ACVR2B: variants seen among roughly 807,000 people sequenced by gnomAD.
The protein encoded by ACVR2B is activin A receptor type 2B.
ACVR2B carries 18 observed loss-of-function variants against 65.1 expected under a neutral mutation model. The ratio of observed to expected loss-of-function variants is 0.28; its 90% confidence interval spans 0.19 to 0.41. The LOEUF (loss-of-function observed/expected upper bound fraction) is 0.41, where lower values mean the gene tolerates loss of function less well. Ranked by LOEUF, ACVR2B falls within the 10% of genes least tolerant of loss-of-function variation. The probability of loss-of-function intolerance (pLI) is 1.00; values close to 1 mark genes in which losing one functional copy is unlikely to be tolerated. For missense variants in ACVR2B, 482 were observed against 682.7 expected (o/e 0.71, Z 3.28); for synonymous variants, 298 against 277.7 (o/e 1.07, Z -0.73).
rs1709502251 is a variant in ACVR2B at position 38,454,287 on chromosome 3, CGGGCTCCGGGTGTGCG to C, written c.-35_-20del. 11 of 1,240,820 alleles carry C rather than the reference CGGGCTCCGGGTGTGCG, an allele frequency of 8.9e-6. No individual in the cohort carries two copies. The highest frequency in any genetic ancestry group is 9.1e-6 in the Non-Finnish European group (9 of 994,188). 76.9% of individuals were successfully genotyped at this position (1,240,820 alleles called of 1,614,324 possible). The stretch of plus-strand genomic sequence containing the variant: ...CGGGAGCGCCGTGCGGCCCTGCCCG[CGGGCTCCGGGTGTGCG>C]CGGGGCGGCGCCGCGGAACATGACG... On this transcript the variant is annotated 5_prime_UTR_variant, in exon 1 of 11. Coordinates refer to ENST00000352511, the MANE Select transcript of ACVR2B (RefSeq NM_001106.4).
intron 1 of ACVR2B, chr3:38,475,602 TGGG>T (rs1156477591): frequency 6.6e-6 from 1 of 152,114 alleles, no homozygotes; most frequent in African/African-American, 2.4e-5. Flanking sequence ...GCTCCAGTGG[TGGG>T]GGGCTTCTTT....
At chr3:38,461,339 T>C (rs1173500203) in intron 1 of ACVR2B, among the ~76,000 whole-genome samples, 3 of 152,124 alleles carry the variant, frequency 2.0e-5, no homozygotes, top group Non-Finnish European at 2.9e-5. Context: ...AGGTTTGATA[T>C]TGGGTTAGAG....
chr3:38,471,673 A>G (rs79286140), intron 1 of ACVR2B, among the ~76,000 whole-genome samples: 3,860 of 152,318 alleles, frequency 0.025, 156 homozygotes, highest in East Asian at 0.16. Context: ...AGCAGTATAT[A>G]AAGAACATGC....
intron 1 of ACVR2B, chr3:38,459,522 A>G: frequency 1.1e-6 from 1 of 939,780 alleles, no homozygotes; most frequent in African/African-American, 1.8e-5. Flanking sequence ...CTCAGGAGCT[A>G]AGGCTAGCCC....
intron 1 of ACVR2B, among the ~76,000 whole-genome samples, chr3:38,461,386 C>G (rs950966877): frequency 6.6e-6 from 1 of 152,138 alleles, no homozygotes; most frequent in Non-Finnish European, 1.5e-5. Flanking sequence ...CAAGAGGTCC[C>G]GCTTCTCTGT....
At chr3:38,472,670 C>T (rs1575584481) in intron 1 of ACVR2B, among the ~76,000 whole-genome samples, 1 of 152,142 alleles carries the variant, frequency 6.6e-6, no homozygotes, top group Admixed American at 6.5e-5. Flanking sequence ...CTGCTGGCTG[C>T]TGGGGTCACA....
chr3:38,464,157 T>C (rs756903591), intron 1 of ACVR2B, among the ~76,000 whole-genome samples: 8 of 152,274 alleles, frequency 5.3e-5, no homozygotes, highest in Non-Finnish European at 1.0e-4. Flanking sequence ...GTTCAGTCTA[T>C]GACTGTCTGA....
At chr3:38,458,481 G>A (rs1266755287) in intron 1 of ACVR2B, among the ~76,000 whole-genome samples, 1 of 152,112 alleles carries the variant, frequency 6.6e-6, no homozygotes, top group Non-Finnish European at 1.5e-5. Context: ...AGTCTTAAGG[G>A]GCAGCTTGTT....
intron 6 of ACVR2B, 121 bp from the exon 7 acceptor site, chr3:38,479,557 G>T (rs1709979976): frequency 5.6e-6 from 7 of 1,256,054 alleles, no homozygotes; most frequent in Non-Finnish European, 8.1e-6. Flanking sequence ...CATATCGATT[G>T]TAGTAGCCTT....
Position 38,478,194 on chromosome 3 carries a change from T to C in ACVR2B, c.424T>C (p.Ser142Pro). The C allele has an allele frequency of 6.2e-7, 1 of 1,613,844 alleles. No homozygotes were observed. Among genetic ancestry groups the C allele is most frequent in the South Asian group, 1.1e-5 (1 of 91,054 alleles). ...CACCCTGCTCACGGTGCTGGCCTAC[T>C]CACTGCTGCCCATCGGGGGCCTTTC... ...APTLLTVLAY[S>P]LLPIGGLSLI... is the part of the protein sequence containing the mutation. The change falls in exon 4 of 11, where the codon TCA becomes CCA. Residue 142 changes from serine (S) to proline (P), a missense_variant. Transcript: ENST00000352511.
At chr3:38,466,193 G>A (rs1253634257) in intron 1 of ACVR2B, among the ~76,000 whole-genome samples, 3 of 152,182 alleles carry the variant, frequency 2.0e-5, no homozygotes, top group African/African-American at 7.2e-5. Flanking sequence ...GTAGAATAGT[G>A]GTTACCAGAG....
Position 38,477,826 on chromosome 3 carries a change from A to T in ACVR2B, c.261-35A>T. 1.2e-6 allele frequency: 2 copies of T among 1,602,438 alleles called. No homozygotes were observed. The highest frequency in any genetic ancestry group is 1.7e-6 in the Non-Finnish European group (2 of 1,169,596). On this transcript the variant is annotated intron_variant, in intron 2 of 10. Transcript: ENST00000352511. This position sits in a 1 kb window ranked among gnomAD's most constrained non-coding sequence, Gnocchi z 6.7. ...GGCCTGGGGGAGTCTTGCATCCCCC[A>T]GGTGAGGGGTATATGGAAAATTCTG... is the stretch of plus-strand genomic sequence containing the variant.
At chr3:38,482,361 A>G (rs756925890) in intron 9 of ACVR2B, 25 bp downstream of exon 9, 2 of 1,609,816 alleles carry the variant, frequency 1.2e-6, no homozygotes, top group Admixed American at 1.7e-5. Context: ...AGCCCTGGGC[A>G]TCCTAGATTG....
chr3:38,478,994 G>A (rs1485750588), intron 5 of ACVR2B, 134 bp from the exon 6 acceptor site: 13 of 1,197,920 alleles, frequency 1.1e-5, no homozygotes, highest in Non-Finnish European at 1.6e-5. Flanking sequence ...GAAGCTGGGA[G>A]GCTGGGGGGT....
chr3:38,455,627 A>C (rs114983108), intron 1 of ACVR2B, among the ~76,000 whole-genome samples: 1 of 151,676 alleles, frequency 6.6e-6, no homozygotes, highest in Admixed American at 6.6e-5. Flanking sequence ...GTAGGGTAGT[A>C]GCGCGCGCGC....
chr3:38,462,266 C>T (rs1002767427), intron 1 of ACVR2B, among the ~76,000 whole-genome samples: 21 of 152,176 alleles, frequency 1.4e-4, no homozygotes, highest in African/African-American at 4.8e-4. Flanking sequence ...AAATGGTATT[C>T]AAGCATTTAA....
rs779498082 is a variant in ACVR2B, at chr3:38,489,298, TAC to T, written c.*5970_*5971del. The T allele has an allele frequency of 2.6e-5, 4 of 152,704 alleles. No individual in the cohort carries two copies. Among genetic ancestry groups the T allele is most frequent in the South Asian group, 2.1e-4 (1 of 4,834 alleles). 9.5% of individuals were successfully genotyped at this position (152,704 alleles called of 1,614,324 possible). A position where few individuals can be genotyped will look rare whatever the true frequency, so the allele number is the denominator to read the frequency against. ...GTTATATCACTTGACAGATTTCTTC[TAC>T]ACAGTGTGGAGATTGTTTTATACCA... On this transcript the variant is annotated 3_prime_UTR_variant, in exon 11 of 11. Transcript: ENST00000352511.
chr3:38,472,968 T>C (rs906438369), intron 1 of ACVR2B, among the ~76,000 whole-genome samples: 1 of 152,172 alleles, frequency 6.6e-6, no homozygotes, highest in African/African-American at 2.4e-5. Context: ...ACTAGCCGGC[T>C]TAGGTTCTGC....
chr3:38,472,203 G>A (rs555932594), intron 1 of ACVR2B, among the ~76,000 whole-genome samples: 2 of 152,148 alleles, frequency 1.3e-5, no homozygotes, highest in African/African-American at 4.8e-5. Flanking sequence ...CTGCTGGGGA[G>A]GTGGTGGAGA....
Sources: allele counts gnomAD v4.1 joint callset (sites outside exome capture counted in the v4.1 genomes callset), GRCh38; gene constraint gnomAD v4.1.1; non-coding constraint Gnocchi (gnomAD v3.1); transcripts MANE v1.5; gene names NCBI Gene and HGNC (gene_info 2026-07-23, HGNC 2026-07-21).